LCA5L: variants seen among roughly 807,000 people sequenced by gnomAD.
LCA5L encodes lebercilin-like protein.
LCA5L carries 35 observed loss-of-function variants against 45.4 expected under a neutral mutation model. That is an observed-to-expected ratio of 0.77 (90% CI 0.59 to 1.02). The LOEUF (loss-of-function observed/expected upper bound fraction) is 1.02. Ranked by LOEUF, LCA5L falls within the 50% of genes least tolerant of loss-of-function variation. LCA5L has a pLI of 0.00. For missense variants in LCA5L, 668 were observed against 761.6 expected, an observed-to-expected ratio of 0.88 and a Z score of 1.45; for synonymous variants, 233 against 264.7, an observed-to-expected ratio of 0.88 and a Z score of 1.16.
At chr21:39,407,621 T>C (rs1321148921) in intron 10 of LCA5L, among the ~76,000 whole-genome samples, 1 of 152,088 alleles carries the variant, frequency 6.6e-6, no homozygotes, top group Admixed American at 6.5e-5. Flanking sequence ...TTATAGACAA[T>C]GAGCTGGATC....
chr21:39,426,346 G>A (rs920460143), intron 5 of LCA5L, among the ~76,000 whole-genome samples: 15 of 152,168 alleles, frequency 9.9e-5, no homozygotes, highest in East Asian at 5.8e-4. Context: ...CTTAGAATTC[G>A]AAATGCAATT....
At chr21:39,441,297 C>T (rs1001045319) in intron 2 of LCA5L, among the ~76,000 whole-genome samples, 1 of 151,756 alleles carries the variant, frequency 6.6e-6, no homozygotes, top group Non-Finnish European at 1.5e-5. Flanking sequence ...TGGAGTGGGA[C>T]CCTGTTTCAA....
At chr21:39,413,307 A>G (rs1254402379) in intron 7 of LCA5L, among the ~76,000 whole-genome samples, 1 of 152,182 alleles carries the variant, frequency 6.6e-6, no homozygotes, top group East Asian at 1.9e-4. Flanking sequence ...GATAGGGATG[A>G]GGAAAAAGTC....
chr21:39,441,027 G>A (rs1371360427), intron 2 of LCA5L, among the ~76,000 whole-genome samples: 1 of 152,112 alleles, frequency 6.6e-6, no homozygotes, highest in Non-Finnish European at 1.5e-5. Flanking sequence ...CATTGACAAA[G>A]GGAGGTTATG....
intron 1 of LCA5L, chr21:39,444,623 C>T (rs1242102078): frequency 6.6e-6 from 1 of 152,170 alleles, no homozygotes; most frequent in Non-Finnish European, 1.5e-5. Flanking sequence ...AATTAGGAAG[C>T]AAGTAAAATA....
In LCA5L at chr21:39,411,769, A is replaced by G; in HGVS notation, c.1009T>C (p.Tyr337His). Residue 337 changes from tyrosine (Y) to histidine (H), a missense_variant, in exon 8 of 11, where the codon TAT becomes CAT. By Grantham distance (83) the Tyr-to-His change is moderately conservative. Coordinates refer to ENST00000288350, the MANE Select transcript of LCA5L (RefSeq NM_152505.4). ...KDRELEIKNI[Y>H]SHRILKNLHD... is the part of the protein sequence containing the mutation. ...AAATTTTTAAGTATTCGATGACTAT[A>G]GATGTTTTTAATTTCAAGCTCACGA... is the stretch of plus-strand genomic sequence containing the variant. 1 of 1,590,628 alleles carries G rather than the reference A, an allele frequency of 6.3e-7. No homozygotes were observed. Among genetic ancestry groups the G allele is most frequent in the East Asian group, 2.2e-5 (1 of 44,620 alleles).
chr21:39,423,067 G>T lies in LCA5L; in HGVS notation c.746C>A (p.Ser249Tyr), dbSNP rs149837591. 90 of 1,614,126 alleles carry T rather than the reference G, an allele frequency of 5.6e-5. 2 individuals carry two copies. In the African/African-American group the frequency reaches 1.2e-3, roughly 21 times the overall value. ...KDILQALQKL[S>Y]EDKNLAEREE... ...CCTTTCTGCAAGGTTTTTGTCTTCA[G>T]AAAGTTTCTGCAGTGCCTGCAAGAT... Residue 249 changes from serine to tyrosine, a missense_variant, in exon 6 of 11, where the codon TCT becomes TAT. Ser to Tyr is a moderately radical substitution (Grantham distance 144). Coordinates refer to ENST00000288350, the MANE Select transcript of LCA5L (RefSeq NM_152505.4).
chr21:39,411,510 G>A (rs745397448), intron 8 of LCA5L, among the ~76,000 whole-genome samples: 7 of 152,180 alleles, frequency 4.6e-5, no homozygotes, highest in Non-Finnish European at 1.0e-4. Context: ...ATAAAGGGGT[G>A]TGCTGAGGAT....
intron 5 of LCA5L, 143 bp downstream of exon 5, chr21:39,428,029 A>C (rs2837028): frequency 0.75 from 439,324 of 586,796 alleles, 165,445 homozygotes; most frequent in African/African-American, 0.84. Context: ...TTCCTAATTT[A>C]TTCTATAAAA....
Position 39,417,557 on chromosome 21 carries a change from G to A in LCA5L, c.975+3149C>T, listed in dbSNP as rs1276155288. On this transcript the variant is annotated intron_variant, in intron 7 of 10. Transcript: ENST00000288350. ...CTTTATCTTAAATAGGATTGTATTA[G>A]TCCTTTTTCAGGCTGCTGATAAAGA... Among the ~76,000 whole-genome samples the A allele has an allele frequency of 1.3e-5, 2 of 151,924 alleles. 1 individual carries two copies.
intron 3 of LCA5L, among the ~76,000 whole-genome samples, chr21:39,431,676 CCCAG>C (rs2075743156): frequency 6.6e-6 from 1 of 152,062 alleles, no homozygotes; most frequent in Non-Finnish European, 1.5e-5. Context: ...TGCCACCAAG[CCCAG>C]CTAATTTTTG....
At chr21:39,427,799 T>C (rs1569108926) in intron 5 of LCA5L, 1 of 158,428 alleles carries the variant, frequency 6.3e-6, no homozygotes, top group African/African-American at 2.4e-5. Context: ...GAGATAGGTA[T>C]TTACATTTCA....
intron 2 of LCA5L, among the ~76,000 whole-genome samples, chr21:39,442,498 G>A (rs764541259): frequency 2.0e-5 from 3 of 152,150 alleles, no homozygotes; most frequent in Non-Finnish European, 4.4e-5. Flanking sequence ...AAAGCCAGAG[G>A]GAATGTGGGG....
At chr21:39,436,010 C>CA (rs1192543147) in intron 2 of LCA5L, 1 of 152,174 alleles carries the variant, frequency 6.6e-6, no homozygotes, top group Non-Finnish European at 1.5e-5. Context: ...ATGTGATTAT[C>CA]AAACAGTGAT....
intron 7 of LCA5L, among the ~76,000 whole-genome samples, chr21:39,417,853 C>T (rs962198242): frequency 1.3e-5 from 2 of 152,148 alleles, no homozygotes; most frequent in African/African-American, 2.4e-5. Flanking sequence ...GCAAGCTCCG[C>T]CTCCCGAGTT....
chr21:39,416,255 C>T (rs1185449526), intron 7 of LCA5L, among the ~76,000 whole-genome samples: 1 of 152,170 alleles, frequency 6.6e-6, no homozygotes. Flanking sequence ...AGTGACTCAT[C>T]GCTGAGGTGT....
intron 5 of LCA5L, among the ~76,000 whole-genome samples, chr21:39,425,680 C>A (rs7276981): frequency 9.2e-5 from 14 of 152,016 alleles, no homozygotes; most frequent in African/African-American, 3.4e-4. Context: ...TGGTTTAAAA[C>A]AGGGGTGGGC....
chr21:39,420,985 T>C, intron 6 of LCA5L, 142 bp from the exon 7 acceptor site: 1 of 548,416 alleles, frequency 1.8e-6, no homozygotes, highest in Non-Finnish European at 3.1e-6. Context: ...GGACATATAT[T>C]GGAATGAAGT....
chr21:39,412,622 G>T (rs1354321498), intron 7 of LCA5L, among the ~76,000 whole-genome samples: 4 of 151,354 alleles, frequency 2.6e-5, no homozygotes, highest in South Asian at 4.1e-4. Flanking sequence ...ACACACACGG[G>T]GGGTGGGGCG....
Sources: allele counts gnomAD v4.1 joint callset (sites outside exome capture counted in the v4.1 genomes callset), GRCh38; gene constraint gnomAD v4.1.1; transcripts MANE v1.5; gene names NCBI Gene and HGNC (gene_info 2026-07-23, HGNC 2026-07-21).